The following FHIT variants were observed in gnomAD, a reference collection of about 807,000 sequenced individuals.
FHIT encodes the protein fragile histidine triad diadenosine triphosphatase.
FHIT carries 19 observed loss-of-function variants against 17.9 expected under a neutral mutation model. The observed-to-expected ratio is 1.06, with a 90% confidence interval of 0.74 to 1.56. The LOEUF (loss-of-function observed/expected upper bound fraction) is 1.56. Ranked by LOEUF, FHIT falls within the 40% of genes most tolerant of loss-of-function variation. FHIT has a pLI of 0.00. For synonymous variants in FHIT, 81 were observed against 69.7 expected (o/e 1.16, Z -0.81); for missense variants, 248 against 189.2 (o/e 1.31, Z -1.82).
At chr3:61,074,408 G>A (rs912593066) in intron 2 of FHIT, among the ~76,000 whole-genome samples, 7 of 152,156 alleles carry the variant, frequency 4.6e-5, no homozygotes, top group African/African-American at 1.7e-4. Flanking sequence ...TTGAACACTG[G>A]TGACCCATGA....
chr3:60,448,175 C>A (rs968341397), intron 5 of FHIT, among the ~76,000 whole-genome samples: 1 of 152,116 alleles, frequency 6.6e-6, no homozygotes, highest in Admixed American at 6.6e-5. Flanking sequence ...GGGCTTTAGT[C>A]TCTTCCTTAA....
At chr3:59,946,534 G>A (rs929431347) in intron 7 of FHIT, among the ~76,000 whole-genome samples, 14 of 152,086 alleles carry the variant, frequency 9.2e-5, no homozygotes, top group African/African-American at 3.1e-4. Context: ...TGATTGCTCT[G>A]GCTAGGACTT....
At chr3:60,184,693 G>A (rs140717520) in intron 5 of FHIT, among the ~76,000 whole-genome samples, 13 of 152,168 alleles carry the variant, frequency 8.5e-5, no homozygotes, top group South Asian at 2.1e-4. Flanking sequence ...AAGAAACCAC[G>A]TGTGGCCGAC....
intron 5 of FHIT, among the ~76,000 whole-genome samples, chr3:60,364,603 CA>C (rs1241592260): frequency 6.6e-6 from 1 of 152,202 alleles, no homozygotes; most frequent in Non-Finnish European, 1.5e-5. Context: ...TTGAGCAACA[CA>C]GAAGGCTATA....
Position 60,865,749 on chromosome 3 carries a change from G to A in FHIT, c.-110-43738C>T, listed in dbSNP as rs144922681. ...CTTATTCTCATTTTTCCCTAAATGG[G>A]GGGCTGTGACAAGGCTGAAGCAAAG... On this transcript the variant is annotated intron_variant, in intron 3 of 9. Transcript: ENST00000492590. 3.8e-3 allele frequency among the ~76,000 whole-genome samples: 578 copies of A among 152,154 alleles called. 5 individuals are homozygous for A. Among genetic ancestry groups the A allele is most frequent in the African/African-American group, 0.013 (541 of 41,506 alleles).
chr3:60,864,384 A>T (rs1350923452), intron 3 of FHIT, among the ~76,000 whole-genome samples: 1 of 152,186 alleles, frequency 6.6e-6, no homozygotes, highest in Non-Finnish European at 1.5e-5. Context: ...ATTTTAACAC[A>T]GGAGGTCCAA....
intron 5 of FHIT, among the ~76,000 whole-genome samples, chr3:60,268,308 A>T (rs1181676600): frequency 1.3e-5 from 2 of 152,212 alleles, no homozygotes; most frequent in Non-Finnish European, 2.9e-5. Context: ...TTCACTTCTC[A>T]TTCTCAGATT....
At chr3:60,426,980 C>T (rs909998434) in intron 5 of FHIT, among the ~76,000 whole-genome samples, 5 of 151,940 alleles carry the variant, frequency 3.3e-5, no homozygotes, top group Admixed American at 6.6e-5. Context: ...TGTTATACAA[C>T]AAAGGTAAGG....
intron 4 of FHIT, among the ~76,000 whole-genome samples, chr3:60,590,345 C>T (rs1463831995): frequency 1.3e-5 from 2 of 152,048 alleles, no homozygotes; most frequent in Non-Finnish European, 2.9e-5. Context: ...TACTAATCGC[C>T]ACAGCAGCAA....
chr3:60,183,649 C>T (rs992054221), intron 5 of FHIT, among the ~76,000 whole-genome samples: 1 of 152,140 alleles, frequency 6.6e-6, no homozygotes. Flanking sequence ...CTTGACAATG[C>T]CAAGTCAATC....
At chr3:59,952,405 T>C (rs1259951074) in intron 7 of FHIT, among the ~76,000 whole-genome samples, 1 of 150,728 alleles carries the variant, frequency 6.6e-6, no homozygotes, top group Non-Finnish European at 1.5e-5. Context: ...CCACTCCCAG[T>C]CAGCCATCTG....
chr3:60,124,716 C>T (rs9311750), intron 5 of FHIT, among the ~76,000 whole-genome samples: 70,235 of 152,012 alleles, frequency 0.46, 16,623 homozygotes, highest in Non-Finnish European at 0.49. Flanking sequence ...TACTCCTTAG[C>T]TAATGTTACT....
chr3:59,813,822 A>G (rs574585876), intron 8 of FHIT, among the ~76,000 whole-genome samples: 1 of 152,216 alleles, frequency 6.6e-6, no homozygotes, highest in East Asian at 1.9e-4. Context: ...ACAGCTAGAT[A>G]AGTCATTGTT....
At chr3:60,215,276 G>C (rs1202199167) in intron 5 of FHIT, among the ~76,000 whole-genome samples, 1 of 152,164 alleles carries the variant, frequency 6.6e-6, no homozygotes, top group Non-Finnish European at 1.5e-5. Context: ...TGGATCATGA[G>C]GTCAGGACTT....
At chr3:60,442,402 T>C (rs1451453097) in intron 5 of FHIT, among the ~76,000 whole-genome samples, 1 of 152,180 alleles carries the variant, frequency 6.6e-6, no homozygotes, top group Non-Finnish European at 1.5e-5. Context: ...TTTTATGGTT[T>C]AAGATCTAAC....
At chr3:59,899,420 C>T (rs542504521) in intron 8 of FHIT, among the ~76,000 whole-genome samples, 1 of 152,266 alleles carries the variant, frequency 6.6e-6, no homozygotes, top group East Asian at 1.9e-4. Context: ...CTCAAGGAGC[C>T]CTCATCTAGG....
chr3:61,234,310 G>C (rs2040176817), intron 1 of FHIT, among the ~76,000 whole-genome samples: 1 of 152,158 alleles, frequency 6.6e-6, no homozygotes, highest in Non-Finnish European at 1.5e-5. Flanking sequence ...AATCATGAAT[G>C]TGATTATGCA....
intron 5 of FHIT, among the ~76,000 whole-genome samples, chr3:60,492,928 T>C (rs1287581290): frequency 1.3e-5 from 2 of 152,176 alleles, no homozygotes; most frequent in African/African-American, 4.8e-5. Flanking sequence ...TCCTACTATG[T>C]GCCAGTTAAT....
chr3:59,755,058 T>C (rs1261917185), intron 8 of FHIT, among the ~76,000 whole-genome samples: 1 of 152,158 alleles, frequency 6.6e-6, no homozygotes, highest in Non-Finnish European at 1.5e-5. Flanking sequence ...TGAGAATCAC[T>C]GCTTTTTGGG....
Sources: allele counts gnomAD v4.1 joint callset (sites outside exome capture counted in the v4.1 genomes callset), GRCh38; gene constraint gnomAD v4.1.1; transcripts MANE v1.5; gene names NCBI Gene and HGNC (gene_info 2026-07-23, HGNC 2026-07-21).